The following MAPK10 variants were observed in gnomAD, a reference collection of about 807,000 sequenced individuals.
MAPK10 encodes the protein mitogen-activated protein kinase 10.
Under a neutral mutation model 59.3 loss-of-function variants are expected in MAPK10, and 25 were observed. The observed-to-expected ratio is 0.42, with a 90% confidence interval of 0.31 to 0.59. The LOEUF (loss-of-function observed/expected upper bound fraction) is 0.59, where lower values mean the gene tolerates loss of function less well. MAPK10 is among the 20% of genes least tolerant of loss of function. MAPK10 has a pLI of 0.15. For missense variants in MAPK10, 351 were observed against 568.9 expected (o/e 0.62, Z 3.90); for synonymous variants, 190 against 200.5 (o/e 0.95, Z 0.44).
intron 1 of MAPK10, among the ~76,000 whole-genome samples, chr4:86,525,201 G>A (rs1294582020): frequency 6.6e-6 from 1 of 152,188 alleles, no homozygotes; most frequent in Non-Finnish European, 1.5e-5. Flanking sequence ...GGAGGCTGAG[G>A]TGGGAGGGTG....
At chr4:86,551,564 TTC>T (rs920539589) in intron 1 of MAPK10, among the ~76,000 whole-genome samples, 14 of 144,922 alleles carry the variant, frequency 9.7e-5, no homozygotes, top group Non-Finnish European at 1.5e-4. Flanking sequence ...TCCTTCCTTC[TTC>T]TCTCTTTCTT....
chr4:86,069,176 A>G, intron 9 of MAPK10, among the ~76,000 whole-genome samples: 1 of 152,160 alleles, frequency 6.6e-6, no homozygotes, highest in Non-Finnish European at 1.5e-5. Flanking sequence ...ACTTAACTGT[A>G]TTCAACAAAA....
intron 11 of MAPK10, among the ~76,000 whole-genome samples, chr4:86,041,212 A>G (rs891988503): frequency 6.6e-6 from 1 of 152,226 alleles, no homozygotes; most frequent in Non-Finnish European, 1.5e-5. Flanking sequence ...GACAAACCTG[A>G]CAAAAACAAG....
At chr4:86,560,623 A>G (rs908952784) in intron 1 of MAPK10, among the ~76,000 whole-genome samples, 1 of 152,198 alleles carries the variant, frequency 6.6e-6, no homozygotes, top group African/African-American at 2.4e-5. Flanking sequence ...TTATCTCTCT[A>G]ACAGCTAATC....
intron 2 of MAPK10, among the ~76,000 whole-genome samples, chr4:86,256,526 TGG>T (rs2093717951): frequency 6.6e-6 from 1 of 152,078 alleles, no homozygotes; most frequent in South Asian, 2.1e-4. Flanking sequence ...CAGATCTTCA[TGG>T]GAATAAGATA....
chr4:86,173,631 G>T (rs945876613), intron 3 of MAPK10, among the ~76,000 whole-genome samples: 13 of 152,130 alleles, frequency 8.5e-5, no homozygotes, highest in African/African-American at 3.1e-4. Flanking sequence ...TTGACAAGTG[G>T]GATCTAATTA....
chr4:86,405,470 T>C (rs1164203712), intron 1 of MAPK10, among the ~76,000 whole-genome samples: 2 of 152,206 alleles, frequency 1.3e-5, no homozygotes, highest in Non-Finnish European at 2.9e-5. Context: ...TATAATTTGA[T>C]TTTGAAAACT....
chr4:86,357,334 A>C (rs1461033638), intron 1 of MAPK10, among the ~76,000 whole-genome samples: 1 of 152,162 alleles, frequency 6.6e-6, no homozygotes, highest in Non-Finnish European at 1.5e-5. Flanking sequence ...GTATAAAAAG[A>C]ATTTATAACT....
At chr4:86,272,072 A>T (rs2094450665) in intron 2 of MAPK10, among the ~76,000 whole-genome samples, 1 of 152,010 alleles carries the variant, frequency 6.6e-6, no homozygotes, top group African/African-American at 2.4e-5. Context: ...TCCCACTTTT[A>T]AGTGAGTACA....
intron 2 of MAPK10, among the ~76,000 whole-genome samples, chr4:86,205,306 T>C (rs77556396): frequency 0.085 from 12,943 of 152,022 alleles, 1,211 homozygotes; most frequent in African/African-American, 0.23. Flanking sequence ...CTTGGACTTA[T>C]ATGCACTTAG....
intron 1 of MAPK10, among the ~76,000 whole-genome samples, chr4:86,382,816 A>G (rs1740942332): frequency 6.6e-6 from 1 of 152,162 alleles, no homozygotes; most frequent in Admixed American, 6.6e-5. Flanking sequence ...TCAGAGAGCC[A>G]CTGTTTTAGT....
In MAPK10 at chr4:86,029,349, A is replaced by G. The variant is rs1283863567; in HGVS notation, c.1175-75T>C. ...ACAGGGAAATTCATTACTTAATGCCAAATAATTACGTTTTGATGGGGTTGA... is the reference window on the plus strand; with the variant it reads ...ACAGGGAAATTCATTACTTAATGCCGAATAATTACGTTTTGATGGGGTTGA... On this transcript the variant is annotated intron_variant, in intron 12 of 13. Transcript: ENST00000641462. 4 of 868,928 alleles carry G rather than the reference A, an allele frequency of 4.6e-6. No individual in the cohort carries two copies. In the African/African-American group the frequency reaches 6.6e-5, roughly 14 times the overall value. 53.8% of individuals were successfully genotyped at this position (868,928 alleles called of 1,614,324 possible).
intron 1 of MAPK10, among the ~76,000 whole-genome samples, chr4:86,473,890 C>G (rs1752858330): frequency 6.6e-6 from 1 of 152,128 alleles, no homozygotes. Context: ...TGGTTCATGC[C>G]TGTAATCTCA....
In MAPK10 at chr4:86,011,603, A is replaced by G. The variant is rs550306588; in HGVS notation, c.*5625T>C. 22 of 152,298 alleles carry G rather than the reference A, an allele frequency of 1.4e-4. No homozygotes were observed. Among genetic ancestry groups the G allele is most frequent in the African/African-American group, 4.8e-4 (20 of 41,570 alleles). 9.4% of individuals were successfully genotyped at this position (152,298 alleles called of 1,614,324 possible). The stretch of plus-strand genomic sequence containing the variant: ...TCCTTCTGACTCTTTAAGAGCAATC[A>G]TCTTGTGGAATGCAATTTCCCTTCT... On this transcript the variant is annotated 3_prime_UTR_variant, in exon 14 of 14. Coordinates refer to ENST00000641462, the MANE Select transcript of MAPK10 (RefSeq NM_138982.4).
chr4:86,131,169 A>AC (rs2060937094), intron 4 of MAPK10, among the ~76,000 whole-genome samples: 1 of 152,148 alleles, frequency 6.6e-6, no homozygotes, highest in African/African-American at 2.4e-5. Flanking sequence ...CAAATGTTTC[A>AC]CTTTTTCTAG....
At chr4:86,227,913 T>A (rs912594721) in intron 2 of MAPK10, among the ~76,000 whole-genome samples, 2 of 152,212 alleles carry the variant, frequency 1.3e-5, no homozygotes, top group African/African-American at 4.8e-5. Flanking sequence ...ATGACTGTCA[T>A]GAAGGAAGAA....
chr4:86,464,110 C>A (rs576741714), intron 1 of MAPK10, among the ~76,000 whole-genome samples: 1 of 152,328 alleles, frequency 6.6e-6, no homozygotes, highest in East Asian at 1.9e-4. Context: ...GGCACAAATA[C>A]AGCAAGCTTT....
At chr4:86,207,614 T>C (rs558626379) in intron 2 of MAPK10, among the ~76,000 whole-genome samples, 2 of 152,288 alleles carry the variant, frequency 1.3e-5, no homozygotes, top group African/African-American at 4.8e-5. Flanking sequence ...GGGGATGGCA[T>C]TGAATCTGTA....
chr4:86,281,901 C>T (rs1191419965), intron 2 of MAPK10, among the ~76,000 whole-genome samples: 1 of 152,004 alleles, frequency 6.6e-6, no homozygotes, highest in South Asian at 2.1e-4. Flanking sequence ...CAACCCACTG[C>T]AAATCAAACA....
Sources: allele counts gnomAD v4.1 joint callset (sites outside exome capture counted in the v4.1 genomes callset), GRCh38; gene constraint gnomAD v4.1.1; transcripts MANE v1.5; gene names NCBI Gene and HGNC (gene_info 2026-07-23, HGNC 2026-07-21).